The following PPARGC1A variants were observed in gnomAD, a reference collection of about 807,000 sequenced individuals.
PPARGC1A encodes the protein PPARG coactivator 1 alpha.
In PPARGC1A, 25 loss-of-function variants were observed where a neutral mutation model predicts 88.7. The observed-to-expected ratio is 0.28, with a 90% CI of 0.21 to 0.39. The LOEUF (loss-of-function observed/expected upper bound fraction) is 0.39, where lower values mean the gene tolerates loss of function less well. Among genes scored for constraint, PPARGC1A ranks in the 10% least tolerant of loss-of-function variants. The probability of loss-of-function intolerance (pLI) is 1.00; values close to 1 mark genes in which losing one functional copy is unlikely to be tolerated. For missense variants in PPARGC1A, 880 were observed against 968.7 expected (o/e 0.91, Z 1.22); for synonymous variants, 363 against 355.6 (o/e 1.02, Z -0.24).
chr4:23,955,128 G>A, the PPARGC1A span, among the ~76,000 whole-genome samples: 10 of 151,952 alleles, frequency 6.6e-5, no homozygotes, highest in Non-Finnish European at 1.3e-4. Context: ...TTCAAATCAA[G>A]GTCCAGGTAT....
the PPARGC1A span, among the ~76,000 whole-genome samples, chr4:24,377,488 C>T: frequency 2.3e-3 from 351 of 152,218 alleles, 2 homozygotes; most frequent in African/African-American, 8.0e-3. Context: ...ACTCCAACTA[C>T]GGTGTGTCAG....
the PPARGC1A span, among the ~76,000 whole-genome samples, chr4:24,094,483 G>A: frequency 6.6e-6 from 1 of 152,036 alleles, no homozygotes. Context: ...ATAAGATACT[G>A]CATTAAGTGT....
the PPARGC1A span, among the ~76,000 whole-genome samples, chr4:24,168,551 G>C: frequency 6.6e-6 from 1 of 152,122 alleles, no homozygotes; most frequent in Admixed American, 6.6e-5. Context: ...TTGGACCGGG[G>C]CAGGAAATAT....
chr4:23,795,962 TGCTGATG>T lies in PPARGC1A; in HGVS notation c.2294-44_2294-38del. Reference sequence around the variant, plus strand: ...CACAAGCCAGTTTAGATACACACTTTGCTGATGGCCATTAACTCAATCATTCCAATTC... The same window carrying T: ...CACAAGCCAGTTTAGATACACACTTTGCCATTAACTCAATCATTCCAATTC... On this transcript the variant is annotated intron_variant, in intron 12 of 12. Coordinates refer to ENST00000264867, the MANE Select transcript of PPARGC1A (RefSeq NM_013261.5). 3 of 1,412,508 alleles carry T rather than the reference TGCTGATG, an allele frequency of 2.1e-6. No homozygotes were observed. In the South Asian group the frequency reaches 3.5e-5, roughly 16 times the overall value. 87.5% of individuals were successfully genotyped at this position (1,412,508 alleles called of 1,614,324 possible).
At chr4:24,349,534 G>A in the PPARGC1A span, among the ~76,000 whole-genome samples, 1 of 152,102 alleles carries the variant, frequency 6.6e-6, no homozygotes, top group East Asian at 1.9e-4. Context: ...GTACCTAGGA[G>A]GATTATGGCT....
chr4:24,320,088 A>G, the PPARGC1A span, among the ~76,000 whole-genome samples: 1 of 152,226 alleles, frequency 6.6e-6, no homozygotes, highest in African/African-American at 2.4e-5. Context: ...ACCATTTAAA[A>G]GAATACTAGA....
chr4:24,136,587 CAG>C, the PPARGC1A span, among the ~76,000 whole-genome samples: 19 of 152,308 alleles, frequency 1.2e-4, 1 homozygote, highest in Non-Finnish European at 1.9e-4. Context: ...AGCAACAAAA[CAG>C]AGCACGAAAT....
chr4:24,417,471 T>C, the PPARGC1A span, among the ~76,000 whole-genome samples: 1 of 152,206 alleles, frequency 6.6e-6, no homozygotes, highest in Non-Finnish European at 1.5e-5. Flanking sequence ...GTCCAAGTTC[T>C]GCCTAGCAAG....
intron 2 of PPARGC1A, among the ~76,000 whole-genome samples, chr4:23,834,585 C>T (rs1364054877): frequency 6.6e-6 from 1 of 152,064 alleles, no homozygotes; most frequent in African/African-American, 2.4e-5. Flanking sequence ...CTTCCATAAA[C>T]TGACCAATTG....
At chr4:24,128,112 G>A in the PPARGC1A span, among the ~76,000 whole-genome samples, 7 of 152,112 alleles carry the variant, frequency 4.6e-5, no homozygotes, top group East Asian at 1.9e-4. Context: ...GACAGAGGAC[G>A]AAGGTCCAGG....
chr4:24,402,669 A>G, the PPARGC1A span, among the ~76,000 whole-genome samples: 1 of 152,220 alleles, frequency 6.6e-6, no homozygotes, highest in Non-Finnish European at 1.5e-5. Flanking sequence ...TGTAGCAACA[A>G]TGAGCTTCCT....
chr4:24,203,918 A>C, the PPARGC1A span, among the ~76,000 whole-genome samples: 1 of 152,204 alleles, frequency 6.6e-6, no homozygotes, highest in Non-Finnish European at 1.5e-5. Context: ...GTTACTCTGA[A>C]ATTAAGTTGC....
the PPARGC1A span, among the ~76,000 whole-genome samples, chr4:24,400,031 C>T: frequency 5.9e-5 from 9 of 152,074 alleles, no homozygotes; most frequent in African/African-American, 1.9e-4. Context: ...GTGATCCACC[C>T]CGCCTCAGCC....
the PPARGC1A span, among the ~76,000 whole-genome samples, chr4:23,920,891 C>A: frequency 6.6e-6 from 1 of 152,160 alleles, no homozygotes; most frequent in East Asian, 1.9e-4. Context: ...CACGGGGAGC[C>A]TGTTCCAGCC....
the PPARGC1A span, among the ~76,000 whole-genome samples, chr4:24,403,015 C>T: frequency 6.6e-6 from 1 of 152,198 alleles, no homozygotes; most frequent in African/African-American, 2.4e-5. Flanking sequence ...CTTACAACTG[C>T]TGTAAAGTAA....
chr4:24,458,699 G>A, the PPARGC1A span, among the ~76,000 whole-genome samples: 1 of 152,112 alleles, frequency 6.6e-6, no homozygotes, highest in African/African-American at 2.4e-5. Flanking sequence ...AGATATGTAC[G>A]TGATTTAGTC....
At chr4:23,844,166 T>G (rs1727562794) in intron 2 of PPARGC1A, among the ~76,000 whole-genome samples, 2 of 150,092 alleles carry the variant, frequency 1.3e-5, no homozygotes, top group South Asian at 4.2e-4. Flanking sequence ...ACAGTATACA[T>G]ATGTGTGTAT....
At chr4:23,960,510 A>G in the PPARGC1A span, among the ~76,000 whole-genome samples, 3 of 152,178 alleles carry the variant, frequency 2.0e-5, no homozygotes, top group Non-Finnish European at 2.9e-5. Flanking sequence ...CTATTTTGAA[A>G]GGTAGGAATG....
intron 2 of PPARGC1A, among the ~76,000 whole-genome samples, chr4:23,874,551 T>C (rs1191184673): frequency 6.7e-6 from 1 of 150,268 alleles, no homozygotes; most frequent in Non-Finnish European, 1.5e-5. Context: ...GATCACTTTT[T>C]TCCCCCTAAA....
Sources: allele counts gnomAD v4.1 joint callset (sites outside exome capture counted in the v4.1 genomes callset), GRCh38; gene constraint gnomAD v4.1.1; transcripts MANE v1.5; gene names NCBI Gene and HGNC (gene_info 2026-07-23, HGNC 2026-07-21).